Variants in CUX1 observed in about 807,000 individuals in gnomAD.
CUX1 encodes the protein cut like homeobox 1.
Under a neutral mutation model 158.8 loss-of-function variants are expected in CUX1, and 31 were observed. That is an observed-to-expected ratio of 0.20 (90% confidence interval 0.15 to 0.26). CUX1 has a LOEUF of 0.26. Ranked by LOEUF, CUX1 falls within the 10% of genes least tolerant of loss-of-function variation. The pLI is 1.00. For missense variants in CUX1, 1,589 were observed against 2,014.6 expected (o/e 0.79, Z 4.04); for synonymous variants, 879 against 862.1 (o/e 1.02, Z -0.34).
At chr7:101,901,455 G>A (rs956583827) in intron 1 of CUX1, among the ~76,000 whole-genome samples, 4 of 151,830 alleles carry the variant, frequency 2.6e-5, no homozygotes, top group East Asian at 1.9e-4. Context: ...CACCACGCCC[G>A]GCTATTTTTT....
At chr7:102,198,489 G>A (rs60473469) in intron 15 of CUX1, among the ~76,000 whole-genome samples, 2,861 of 152,328 alleles carry the variant, frequency 0.019, 86 homozygotes, top group African/African-American at 0.065. Context: ...TGATTAATGC[G>A]AGCTTTGTTC....
chr7:101,989,946 A>G (rs1307976238), intron 2 of CUX1, among the ~76,000 whole-genome samples: 1 of 152,180 alleles, frequency 6.6e-6, no homozygotes, highest in Admixed American at 6.5e-5. Context: ...GCTGTGGGAA[A>G]CCACTTTAAA....
chr7:102,233,585 A>C (rs1056843603), intron 21 of CUX1, among the ~76,000 whole-genome samples: 24 of 152,092 alleles, frequency 1.6e-4, no homozygotes, highest in Non-Finnish European at 2.8e-4. Context: ...TCAGGAGTTC[A>C]AGACCAGCCT....
At chr7:101,987,688 C>T (rs1179654740) in intron 2 of CUX1, among the ~76,000 whole-genome samples, 4 of 152,146 alleles carry the variant, frequency 2.6e-5, no homozygotes, top group East Asian at 1.9e-4. Flanking sequence ...GGTGTCCTGG[C>T]GCAGGGCACG....
chr7:102,250,803 A>G lies in CUX1; in HGVS notation c.*1761A>G, dbSNP rs1175686806. On this transcript the variant is annotated 3_prime_UTR_variant, in exon 24 of 24. Coordinates refer to ENST00000292535, the MANE Select transcript of CUX1 (RefSeq NM_181552.4). ...GTGTGCGTGCGTGTGCGTGTGTGCA[A>G]TTTTATACGTCTGTGTATTTTCTTA... The G allele has an allele frequency of 1.0e-5, 10 of 985,222 alleles. No homozygotes were observed. The highest frequency in any genetic ancestry group is 1.2e-4 in the Admixed American group (2 of 16,250). 61.0% of individuals were successfully genotyped at this position (985,222 alleles called of 1,614,324 possible). A position where few individuals can be genotyped will look rare whatever the true frequency, so the allele number is the denominator to read the frequency against.
At chr7:102,019,995 A>C (rs1307864926) in intron 2 of CUX1, among the ~76,000 whole-genome samples, 1 of 152,194 alleles carries the variant, frequency 6.6e-6, no homozygotes, top group Non-Finnish European at 1.5e-5. Context: ...TTGTAGAAAA[A>C]GACTATTCAT....
chr7:102,086,447 G>A (rs578023224), intron 4 of CUX1, among the ~76,000 whole-genome samples: 10 of 151,900 alleles, frequency 6.6e-5, no homozygotes, highest in African/African-American at 2.2e-4. Flanking sequence ...CCTGTACATC[G>A]ATGAATGTTC....
intron 11 of CUX1, among the ~76,000 whole-genome samples, chr7:102,180,109 C>T (rs1200458060): frequency 6.6e-6 from 1 of 152,028 alleles, no homozygotes; most frequent in Non-Finnish European, 1.5e-5. Flanking sequence ...CTGCAACCTC[C>T]GCCTCCTGGA....
At chr7:102,090,853 G>T (rs1828512086) in intron 4 of CUX1, among the ~76,000 whole-genome samples, 1 of 152,174 alleles carries the variant, frequency 6.6e-6, no homozygotes, top group Non-Finnish European at 1.5e-5. Context: ...ATTTTCTTAA[G>T]TTAATCCTCA....
At chr7:102,153,676 CT>C (rs2131530203) in intron 8 of CUX1, 1 of 152,394 alleles carries the variant, frequency 6.6e-6, no homozygotes, top group Admixed American at 6.5e-5. Flanking sequence ...CTTCAATTCG[CT>C]TGAGAGACAC....
At chr7:101,973,837 C>T (rs1005063318) in intron 2 of CUX1, among the ~76,000 whole-genome samples, 3 of 149,194 alleles carry the variant, frequency 2.0e-5, no homozygotes, top group African/African-American at 7.4e-5. Flanking sequence ...GTCATGATCT[C>T]AGCTCACGGC....
At chr7:102,052,363 A>T (rs897602679) in intron 3 of CUX1, among the ~76,000 whole-genome samples, 10 of 152,188 alleles carry the variant, frequency 6.6e-5, no homozygotes, top group African/African-American at 2.4e-4. Flanking sequence ...TTAACATTTC[A>T]TATCAATGAG....
In CUX1 at chr7:102,081,771, G is replaced by A. The variant is rs782743325; in HGVS notation, c.268+11354G>A. Among the ~76,000 whole-genome samples the A allele has an allele frequency of 6.2e-5, 9 of 145,994 alleles. 1 individual carries two copies. The highest frequency in any genetic ancestry group is 1.4e-4 in the Admixed American group (2 of 14,452). ...CCTCAGCCTCCCTGGGATTACAGGC[G>A]CCTGCCACCATGCCCAATTAATTTT... is the stretch of plus-strand genomic sequence containing the variant. On this transcript the variant is annotated intron_variant, in intron 4 of 23. Coordinates refer to ENST00000292535, the MANE Select transcript of CUX1 (RefSeq NM_181552.4).
chr7:102,060,608 A>AACACACACACACACACACAC lies in CUX1; in HGVS notation c.190-9714_190-9695dup, dbSNP rs58786987. 8.5e-4 allele frequency among the ~76,000 whole-genome samples: 113 copies of AACACACACACACACACACAC among 133,296 alleles called. 1 individual carries two copies. The highest frequency in any genetic ancestry group is 7.4e-3 in the Admixed American group (95 of 12,770). 87.4% of individuals were successfully genotyped at this position (133,296 alleles called of 152,430 possible). ...ATATATATATACACACACACAAATA[A>AACACACACACACACACACAC]ACACACACACACACACACACACACA... On this transcript the variant is annotated intron_variant, in intron 3 of 23. Coordinates refer to ENST00000292535, the MANE Select transcript of CUX1 (RefSeq NM_181552.4).
intron 3 of CUX1, among the ~76,000 whole-genome samples, chr7:102,034,751 CAAA>C (rs33994794): frequency 8.5e-6 from 1 of 117,950 alleles, no homozygotes; most frequent in African/African-American, 3.4e-5. Flanking sequence ...GACTCCGTCT[CAAA>C]AAAAAAAAAA....
chr7:102,152,210 C>T (rs1449404720), intron 8 of CUX1, among the ~76,000 whole-genome samples: 1 of 151,998 alleles, frequency 6.6e-6, no homozygotes, highest in Non-Finnish European at 1.5e-5. Context: ...ATTAGCTGGG[C>T]TTGCTAGTGC....
At chr7:101,913,694 G>A (rs1217290079) in intron 1 of CUX1, among the ~76,000 whole-genome samples, 3 of 152,214 alleles carry the variant, frequency 2.0e-5, no homozygotes, top group African/African-American at 7.2e-5. Context: ...GATGCCCACC[G>A]ATTGGGTAAC....
At chr7:102,228,903 C>T (rs1014519314) in intron 21 of CUX1, among the ~76,000 whole-genome samples, 4 of 152,170 alleles carry the variant, frequency 2.6e-5, no homozygotes, top group South Asian at 2.1e-4. Flanking sequence ...GAAGGTCTAA[C>T]GGACCCCGGT....
At chr7:101,907,682 A>C (rs1232090655) in intron 1 of CUX1, among the ~76,000 whole-genome samples, 1 of 152,118 alleles carries the variant, frequency 6.6e-6, no homozygotes, top group Non-Finnish European at 1.5e-5. Flanking sequence ...ATGAACTTTA[A>C]CTTTAGGAAT....
Sources: allele counts gnomAD v4.1 joint callset (sites outside exome capture counted in the v4.1 genomes callset), GRCh38; gene constraint gnomAD v4.1.1; transcripts MANE v1.5; gene names NCBI Gene and HGNC (gene_info 2026-07-23, HGNC 2026-07-21).